Variants in TMEM132C observed in about 807,000 individuals in gnomAD.
The protein encoded by TMEM132C is transmembrane protein 132C.
A neutral mutation model predicts 61.4 loss-of-function variants in TMEM132C; 29 were observed. The ratio of observed to expected loss-of-function variants is 0.47; its 90% CI spans 0.35 to 0.64. The LOEUF (loss-of-function observed/expected upper bound fraction) is 0.64, where lower values mean the gene tolerates loss of function less well. TMEM132C is among the 30% of genes least tolerant of loss of function. The pLI, the probability that TMEM132C is intolerant of heterozygous loss-of-function variation, is 0.00. For missense variants in TMEM132C, 1,408 were observed against 1,476.9 expected, an observed-to-expected ratio of 0.95 and a Z score of 0.76; for synonymous variants, 656 against 633.1, an observed-to-expected ratio of 1.04 and a Z score of -0.54.
intron 1 of TMEM132C, among the ~76,000 whole-genome samples, chr12:128,349,395 GC>G (rs1416194204): frequency 1.2e-4 from 19 of 152,278 alleles, no homozygotes; most frequent in Admixed American, 6.5e-5. Context: ...GTGGCCCTTG[GC>G]ATGCCACCAC....
At chr12:128,354,918 G>T (rs60785955) in intron 1 of TMEM132C, among the ~76,000 whole-genome samples, 4,507 of 152,222 alleles carry the variant, frequency 0.03, 212 homozygotes, top group African/African-American at 0.1. Context: ...CCTGAAAACG[G>T]ATCACCCAGG....
At chr12:128,502,319 G>T (rs1872209457) in intron 2 of TMEM132C, among the ~76,000 whole-genome samples, 2 of 152,228 alleles carry the variant, frequency 1.3e-5, no homozygotes, top group Admixed American at 1.3e-4. Flanking sequence ...ACAGGGAGAA[G>T]ACCGAGATGT....
intron 1 of TMEM132C, among the ~76,000 whole-genome samples, chr12:128,298,806 G>A (rs1169096772): frequency 6.6e-6 from 1 of 152,254 alleles, no homozygotes; most frequent in African/African-American, 2.4e-5. Flanking sequence ...CCAGTGGGGA[G>A]TGGACCAAGG....
At chr12:128,509,410 T>C (rs1441536658) in intron 2 of TMEM132C, among the ~76,000 whole-genome samples, 2 of 152,168 alleles carry the variant, frequency 1.3e-5, no homozygotes, top group Non-Finnish European at 2.9e-5. Context: ...ACATTTTACA[T>C]GTGAAAGCAG....
At chr12:128,447,972 C>T (rs1359328864) in intron 2 of TMEM132C, among the ~76,000 whole-genome samples, 4 of 95,530 alleles carry the variant, frequency 4.2e-5, no homozygotes, top group South Asian at 2.8e-4. Context: ...ATGATCCACC[C>T]GCCTCGGCCT....
At chr12:128,602,423 T>C (rs924635726) in intron 3 of TMEM132C, among the ~76,000 whole-genome samples, 3 of 152,214 alleles carry the variant, frequency 2.0e-5, no homozygotes, top group African/African-American at 7.2e-5. Context: ...ACTTGGTTGA[T>C]TCAACCTCTC....
chr12:128,377,058 A>AT (rs199866756), intron 1 of TMEM132C, among the ~76,000 whole-genome samples: 23,406 of 144,862 alleles, frequency 0.16, 2,169 homozygotes, highest in East Asian at 0.39. Context: ...TGCTTTCTTG[A>AT]TTTTTTTTTT....
At chr12:128,337,447 A>G (rs1034654958) in intron 1 of TMEM132C, among the ~76,000 whole-genome samples, 9 of 152,314 alleles carry the variant, frequency 5.9e-5, no homozygotes, top group African/African-American at 1.9e-4. Flanking sequence ...GATTTTTCCA[A>G]GGAGGACTTG....
At chr12:128,465,285 G>A (rs1261203792) in intron 2 of TMEM132C, among the ~76,000 whole-genome samples, 1 of 150,466 alleles carries the variant, frequency 6.6e-6, no homozygotes, top group African/African-American at 2.5e-5. Flanking sequence ...TACAAGCTCC[G>A]CCTCCCAGAT....
At position 128,705,998 on chromosome 12, in the gene TMEM132C, TCTCCTG is replaced by T; in HGVS notation, c.3034_3039del (p.Leu1012_Leu1013del). The T allele has an allele frequency of 1.3e-6, 2 of 1,551,402 alleles. No homozygotes were observed. The highest frequency in any genetic ancestry group is 1.7e-6 in the Non-Finnish European group (2 of 1,146,936). On this transcript the variant is annotated inframe_deletion, in exon 9 of 9. Coordinates refer to ENST00000435159, the MANE Select transcript of TMEM132C (RefSeq NM_001136103.3). The stretch of plus-strand genomic sequence containing the variant: ...CGGGGGCCTGCGAGGAGAGCAACCA[TCTCCTG>T]CTCAATGGTGGCTCCCACAAGCACG...
At chr12:128,280,794 C>T (rs560008019) in intron 1 of TMEM132C, among the ~76,000 whole-genome samples, 1 of 152,250 alleles carries the variant, frequency 6.6e-6, no homozygotes, top group East Asian at 1.9e-4. Flanking sequence ...ATAATCCCAG[C>T]AAAAGTCATA....
chr12:128,650,900 G>A (rs1158370111), intron 4 of TMEM132C, among the ~76,000 whole-genome samples: 4 of 152,142 alleles, frequency 2.6e-5, no homozygotes, highest in African/African-American at 7.2e-5. Context: ...CTGGAGTGGT[G>A]TGGGCTCCAA....
chr12:128,704,020 G>A (rs952391070), intron 8 of TMEM132C, among the ~76,000 whole-genome samples: 2 of 152,188 alleles, frequency 1.3e-5, no homozygotes, highest in African/African-American at 4.8e-5. Context: ...AAAGGGGAGA[G>A]GATGTCATTA....
intron 2 of TMEM132C, among the ~76,000 whole-genome samples, chr12:128,464,907 C>A (rs1270987245): frequency 6.6e-6 from 1 of 152,000 alleles, no homozygotes; most frequent in East Asian, 1.9e-4. Flanking sequence ...CACTTAGGGA[C>A]AACGGTGAGG....
At chr12:128,382,273 A>C (rs1874424974) in intron 1 of TMEM132C, among the ~76,000 whole-genome samples, 1 of 152,140 alleles carries the variant, frequency 6.6e-6, no homozygotes. Context: ...AAGTTATATA[A>C]ATGCTATCAT....
chr12:128,685,270 C>T (rs1260355809), intron 5 of TMEM132C, among the ~76,000 whole-genome samples: 2 of 152,236 alleles, frequency 1.3e-5, no homozygotes, highest in South Asian at 2.1e-4. Flanking sequence ...CATCCCATCT[C>T]TTAGCAGAAT....
rs1320597694 is a variant in TMEM132C, at chr12:128,326,953, G to A, written c.85+59466G>A. On this transcript the variant is annotated intron_variant, in intron 1 of 8. Coordinates refer to ENST00000435159, the MANE Select transcript of TMEM132C (RefSeq NM_001136103.3). The surrounding 1 kb of genome is among the most constrained non-coding windows in gnomAD (Gnocchi z 5.6). ...TGTCGTAGGGGGAAAATGTTAGAAC[G>A]ACTATTTAAGTAAAATTTACTTTTA... 1.3e-5 allele frequency among the ~76,000 whole-genome samples: 2 copies of A among 149,880 alleles called. No individual in the cohort carries two copies. Among genetic ancestry groups the A allele is most frequent in the Non-Finnish European group, 2.9e-5 (2 of 68,030 alleles).
In TMEM132C at chr12:128,485,054, A is replaced by G. The variant is rs148014937; in HGVS notation, c.975-58903A>G. Among the ~76,000 whole-genome samples the G allele has an allele frequency of 9.8e-5, 15 of 152,302 alleles. No individual in the cohort carries two copies. The East Asian group carries it at 2.3e-3, about 24-fold the overall frequency. ...CTTAGCAGCTAGAGGTGAGCGCCCC[A>G]AGAAACAGGCTTTCACAAAAATAAA... On this transcript the variant is annotated intron_variant, in intron 2 of 8. Transcript: ENST00000435159.
chr12:128,483,549 G>T (rs1378326025), intron 2 of TMEM132C, among the ~76,000 whole-genome samples: 1 of 152,072 alleles, frequency 6.6e-6, no homozygotes, highest in African/African-American at 2.4e-5. Context: ...CTGTGCCTCA[G>T]TATCCCTGCT....
Sources: allele counts gnomAD v4.1 joint callset (sites outside exome capture counted in the v4.1 genomes callset), GRCh38; gene constraint gnomAD v4.1.1; non-coding constraint Gnocchi (gnomAD v3.1); transcripts MANE v1.5; gene names NCBI Gene and HGNC (gene_info 2026-07-23, HGNC 2026-07-21).